Variants in PDS5A observed in about 807,000 individuals in gnomAD.
PDS5A encodes the protein sister chromatid cohesion protein PDS5 homolog A.
In PDS5A, 42 loss-of-function variants were observed where a neutral mutation model predicts 167.1. The observed-to-expected ratio is 0.25, with a 90% CI of 0.20 to 0.33. PDS5A has a LOEUF of 0.33. Ranked by LOEUF, PDS5A falls within the 10% of genes least tolerant of loss-of-function variation. PDS5A has a pLI of 1.00. For missense variants in PDS5A, 1,033 were observed against 1,605.9 expected, an observed-to-expected ratio of 0.64 and a Z score of 6.10; for synonymous variants, 553 against 554.6, an observed-to-expected ratio of 1.00 and a Z score of 0.04.
At chr4:39,851,317 T>C (rs922222421) in intron 26 of PDS5A, among the ~76,000 whole-genome samples, 5 of 152,064 alleles carry the variant, frequency 3.3e-5, no homozygotes, top group African/African-American at 1.2e-4. Context: ...GGTCTGTCTT[T>C]TGAGACAGAG....
chr4:39,826,377 G>C (rs1008912635), intron 32 of PDS5A, among the ~76,000 whole-genome samples: 21 of 152,054 alleles, frequency 1.4e-4, no homozygotes, highest in Admixed American at 5.9e-4. Context: ...ATCAATATTT[G>C]TTCTTTTGCC....
At chr4:39,950,941 T>A (rs1015027567) in intron 2 of PDS5A, among the ~76,000 whole-genome samples, 7 of 152,118 alleles carry the variant, frequency 4.6e-5, no homozygotes. Flanking sequence ...CTCCCCTCTG[T>A]GGACCAGGCT....
chr4:39,960,285 A>C (rs1250562753), intron 2 of PDS5A, among the ~76,000 whole-genome samples: 1 of 152,064 alleles, frequency 6.6e-6, no homozygotes, highest in Non-Finnish European at 1.5e-5. Flanking sequence ...CAAAAACAAA[A>C]ACAACAAAAA....
intron 11 of PDS5A, among the ~76,000 whole-genome samples, chr4:39,907,974 T>C (rs941464658): frequency 6.6e-6 from 1 of 152,200 alleles, no homozygotes; most frequent in African/African-American, 2.4e-5. Context: ...GCTTGGCACA[T>C]CAATATGTAA....
chr4:39,931,497 G>A (rs1034826864), intron 2 of PDS5A, among the ~76,000 whole-genome samples: 1 of 152,146 alleles, frequency 6.6e-6, no homozygotes, highest in Non-Finnish European at 1.5e-5. Context: ...GCTTGACTGG[G>A]CGTGGAGGGT....
chr4:39,904,218 A>G, intron 11 of PDS5A, 27 bp from the exon 12 acceptor site: 1 of 1,564,248 alleles, frequency 6.4e-7, no homozygotes, highest in Non-Finnish European at 8.7e-7. Context: ...TTATTAGATG[A>G]GCAAGATAAC....
At chr4:39,829,795 CA>C (rs1715661642) in intron 32 of PDS5A, among the ~76,000 whole-genome samples, 2 of 151,280 alleles carry the variant, frequency 1.3e-5, no homozygotes, top group Admixed American at 1.3e-4. Context: ...ACTAAAAATA[CA>C]AAAAATTAGC....
At position 39,977,427 on chromosome 4, in the gene PDS5A, G is replaced by C. The variant is rs991930805; in HGVS notation, c.-41+30C>G. ...TCCGTCCCCTCCCTCCAGCAGCCTA[G>C]GGCGGGAGCCGAGCCGCCGCCGCCT... On this transcript the variant is annotated intron_variant, in intron 1 of 32. Coordinates refer to ENST00000303538, the MANE Select transcript of PDS5A (RefSeq NM_001100399.2). This position sits in a 1 kb window ranked among gnomAD's most constrained non-coding sequence, Gnocchi z 4.2. 6.5e-6 allele frequency: 1 copy of C among 153,272 alleles called. No homozygotes were observed. The allele number at this position is 153,272 out of a possible 1,614,324, so 9.5% of individuals were successfully genotyped here.
Position 39,909,355 on chromosome 4 carries a change from C to A in PDS5A, c.1088-815G>T, listed in dbSNP as rs1723694708. On this transcript the variant is annotated intron_variant, in intron 10 of 32. Coordinates refer to ENST00000303538, the MANE Select transcript of PDS5A (RefSeq NM_001100399.2). Reference sequence around the variant, plus strand: ...GGCCAGGCTAGTCTTGACCTCCTGGCCTCAAGTGATGCACTGCCTTGGCCT... The same window carrying A: ...GGCCAGGCTAGTCTTGACCTCCTGGACTCAAGTGATGCACTGCCTTGGCCT... Among the ~76,000 whole-genome samples, 3 of 152,178 alleles carry A rather than the reference C, an allele frequency of 2.0e-5. No homozygotes were observed. In the South Asian group the frequency reaches 6.2e-4, roughly 32 times the overall value.
chr4:39,898,061 T>A, intron 16 of PDS5A: 3 of 1,025,874 alleles, frequency 2.9e-6, no homozygotes, highest in Non-Finnish European at 3.5e-6. Context: ...TCCATTCTAA[T>A]ACATGAAAGA....
At chr4:39,831,808 G>A (rs1284615301) in intron 32 of PDS5A, among the ~76,000 whole-genome samples, 5 of 144,896 alleles carry the variant, frequency 3.5e-5, no homozygotes, top group South Asian at 2.2e-4. Context: ...ACTGGAAGGC[G>A]GAGGTTGCGG....
At chr4:39,919,856 A>G (rs1203147178) in intron 7 of PDS5A, among the ~76,000 whole-genome samples, 1 of 152,168 alleles carries the variant, frequency 6.6e-6, no homozygotes, top group Non-Finnish European at 1.5e-5. Context: ...TTCATTACTG[A>G]AAAGTATTTA....
intron 29 of PDS5A, 52 bp from the exon 30 acceptor site, chr4:39,844,853 C>A: frequency 6.7e-7 from 1 of 1,501,058 alleles, no homozygotes; most frequent in Non-Finnish European, 8.9e-7. Context: ...TATACCTTAC[C>A]ATGTATACAT....
chr4:39,881,383 C>T (rs1720914396), intron 17 of PDS5A, among the ~76,000 whole-genome samples: 1 of 150,100 alleles, frequency 6.7e-6, no homozygotes, highest in African/African-American at 2.5e-5. Flanking sequence ...CCATACTGTT[C>T]TCCATAATGG....
chr4:39,942,609 T>C (rs1326049725), intron 2 of PDS5A, among the ~76,000 whole-genome samples: 2 of 152,080 alleles, frequency 1.3e-5, no homozygotes, highest in Non-Finnish European at 2.9e-5. Context: ...GTATCTTTTG[T>C]AAAGACCGGT....
chr4:39,952,496 CTT>C (rs373822220), intron 2 of PDS5A, among the ~76,000 whole-genome samples: 2 of 149,456 alleles, frequency 1.3e-5, no homozygotes, highest in African/African-American at 4.9e-5. Flanking sequence ...ATTTGTTAAT[CTT>C]TTTTTTTTCT....
intron 21 of PDS5A, among the ~76,000 whole-genome samples, chr4:39,871,519 A>C (rs1419565039): frequency 1.3e-5 from 2 of 152,172 alleles, no homozygotes; most frequent in African/African-American, 4.8e-5. Flanking sequence ...AGGTGTCTTT[A>C]AGTTCCTGAT....
chr4:39,879,510 T>TTA (rs1720759439), intron 18 of PDS5A, among the ~76,000 whole-genome samples: 3 of 152,136 alleles, frequency 2.0e-5, no homozygotes, highest in African/African-American at 7.2e-5. Context: ...GGCATGGAAA[T>TTA]GATAAACAGT....
chr4:39,878,990 C>A lies in PDS5A; in HGVS notation c.1992+738G>T, dbSNP rs571405415. ...ATCTCTTGACCTTGTGATCTGCCCG[C>A]CTCGGCCTCCCAAAGTGCTGGGGTT... On this transcript the variant is annotated intron_variant, in intron 18 of 32. Transcript: ENST00000303538. Among the ~76,000 whole-genome samples, 72 of 152,322 alleles carry A rather than the reference C, an allele frequency of 4.7e-4. 2 individuals are homozygous for A. The South Asian group carries it at 7.0e-3, about 15-fold the overall frequency.
Sources: gnomAD v4.1 joint callset for allele counts (sites outside exome capture counted in the v4.1 genomes callset) on GRCh38, gnomAD v4.1.1 for gene constraint, Gnocchi (gnomAD v3.1) non-coding constraint, MANE v1.5 for transcripts, NCBI Gene and HGNC (gene_info 2026-07-23, HGNC 2026-07-21) for gene names.